The following ALCAM variants were observed in gnomAD, a reference collection of about 807,000 sequenced individuals.
The protein encoded by ALCAM is activated leukocyte cell adhesion molecule, also known as CD166 antigen.
ALCAM carries 30 observed loss-of-function variants against 70.9 expected under a neutral mutation model. The observed-to-expected ratio is 0.42, with a 90% confidence interval of 0.32 to 0.57. The LOEUF (loss-of-function observed/expected upper bound fraction) is 0.57. Ranked by LOEUF, ALCAM falls within the 20% of genes least tolerant of loss-of-function variation. The pLI, the probability that ALCAM is intolerant of heterozygous loss-of-function variation, is 0.11. For missense variants in ALCAM, 591 were observed against 695.1 expected, an observed-to-expected ratio of 0.85 and a Z score of 1.68; for synonymous variants, 249 against 242.5, an observed-to-expected ratio of 1.03 and a Z score of -0.25.
At position 105,524,296 on chromosome 3, in the gene ALCAM, C is replaced by A. The variant is rs1033977551; in HGVS notation, c.182C>A (p.Pro61His). The A allele has an allele frequency of 6.2e-7, 1 of 1,612,398 alleles. No homozygotes were observed. Among genetic ancestry groups the A allele is most frequent in the African/African-American group, 1.3e-5 (1 of 74,924 alleles). Residue 61 changes from proline (P) to histidine (H), a missense_variant, in exon 3 of 16, where the codon CCC (proline) becomes CAC (histidine). Physicochemically the swap from Pro to His is moderately conservative, Grantham distance 77. This residue lies in a region of ALCAM where 427 missense variants were observed against 450.4 expected (regional missense o/e 0.95). Transcript: ENST00000306107. The stretch of plus-strand genomic sequence containing the variant: ...TATTATTTTAATTTTTAGGAAAAGC[C>A]CGATGGCTCCCCAGTATTTATTGCC... The part of the protein sequence containing the change: ...LMFGKWKYEK[P>H]DGSPVFIAFR...
chr3:105,467,414 G>A lies in ALCAM; in HGVS notation c.74-52653G>A, dbSNP rs1215800587. 2.6e-5 allele frequency among the ~76,000 whole-genome samples: 4 copies of A among 151,200 alleles called. No homozygotes were observed. In the East Asian group the frequency reaches 7.8e-4, roughly 29 times the overall value. On this transcript the variant is annotated intron_variant, in intron 1 of 15. Coordinates refer to ENST00000306107, the MANE Select transcript of ALCAM (RefSeq NM_001627.4). ...TTTAACCTAGAAATGTCTCTGCGTG[G>A]ATTGCTGGTATTGAACATTATTAGC...
At chr3:105,389,209 A>C (rs550650238) in intron 1 of ALCAM, among the ~76,000 whole-genome samples, 1 of 151,438 alleles carries the variant, frequency 6.6e-6, no homozygotes, top group Non-Finnish European at 1.5e-5. Flanking sequence ...GTTATGTAGA[A>C]AATTATCCCA....
chr3:105,481,249 A>G (rs1235959565), intron 1 of ALCAM, among the ~76,000 whole-genome samples: 3 of 152,094 alleles, frequency 2.0e-5, no homozygotes, highest in Non-Finnish European at 4.4e-5. Context: ...ACACATACAA[A>G]TATTTTGTTT....
intron 3 of ALCAM, among the ~76,000 whole-genome samples, chr3:105,530,051 C>T (rs998066795): frequency 5.3e-5 from 8 of 151,712 alleles, no homozygotes; most frequent in African/African-American, 1.9e-4. Context: ...ATGTTTTGAC[C>T]TTTTTTTTCT....
At chr3:105,466,226 T>A (rs562121003) in intron 1 of ALCAM, among the ~76,000 whole-genome samples, 1 of 151,458 alleles carries the variant, frequency 6.6e-6, no homozygotes, top group East Asian at 1.9e-4. Flanking sequence ...ATTCCCCCAA[T>A]TTTCAGTGCT....
chr3:105,401,188 C>G (rs1936080381), intron 1 of ALCAM, among the ~76,000 whole-genome samples: 1 of 152,150 alleles, frequency 6.6e-6, no homozygotes, highest in Non-Finnish European at 1.5e-5. Flanking sequence ...AACACCCACA[C>G]CTTAGTAGCT....
chr3:105,445,179 T>C (rs1937264477), intron 1 of ALCAM, among the ~76,000 whole-genome samples: 2 of 152,144 alleles, frequency 1.3e-5, no homozygotes, highest in South Asian at 4.1e-4. Flanking sequence ...TGTTAGTTAA[T>C]ACATGAACAA....
chr3:105,477,253 C>T (rs553808548), intron 1 of ALCAM, among the ~76,000 whole-genome samples: 22 of 152,192 alleles, frequency 1.4e-4, no homozygotes, highest in Admixed American at 5.9e-4. Context: ...TAATGCTCTT[C>T]ATTTTTTTCA....
At chr3:105,496,334 GGACTAAC>G (rs72107823) in intron 1 of ALCAM, among the ~76,000 whole-genome samples, 61,128 of 151,532 alleles carry the variant, frequency 0.4, 12,885 homozygotes, top group Admixed American at 0.52. Flanking sequence ...CATTCAGAAA[GGACTAAC>G]AGTCATTTCC....
intron 1 of ALCAM, among the ~76,000 whole-genome samples, chr3:105,427,998 C>G (rs1460859774): frequency 1.3e-5 from 2 of 151,678 alleles, no homozygotes; most frequent in Non-Finnish European, 2.9e-5. Flanking sequence ...CCTACTCACA[C>G]AAAAATTTTG....
chr3:105,420,363 T>G (rs1936617110), intron 1 of ALCAM, among the ~76,000 whole-genome samples: 1 of 151,718 alleles, frequency 6.6e-6, no homozygotes, highest in East Asian at 1.9e-4. Flanking sequence ...ATGTTTTTCT[T>G]TTTAAAGAAA....
At chr3:105,416,789 T>C (rs1936517689) in intron 1 of ALCAM, among the ~76,000 whole-genome samples, 1 of 151,996 alleles carries the variant, frequency 6.6e-6, no homozygotes, top group Admixed American at 6.6e-5. Context: ...TAAATGTTAA[T>C]AAATTAGATA....
intron 1 of ALCAM, chr3:105,439,506 A>G (rs780318012): frequency 1.3e-5 from 2 of 152,220 alleles, no homozygotes; most frequent in Non-Finnish European, 2.9e-5. Flanking sequence ...CACAAATTAC[A>G]GTTACTAGGC....
chr3:105,420,020 A>G (rs1936605589), intron 1 of ALCAM, among the ~76,000 whole-genome samples: 1 of 151,752 alleles, frequency 6.6e-6, no homozygotes. Flanking sequence ...GACTTTTTAT[A>G]TATACAAGCA....
At chr3:105,477,364 T>C (rs1559804783) in intron 1 of ALCAM, among the ~76,000 whole-genome samples, 1 of 152,212 alleles carries the variant, frequency 6.6e-6, no homozygotes, top group East Asian at 1.9e-4. Flanking sequence ...TTATTTTGCT[T>C]TCATTCTGTA....
rs762343281 is a variant in ALCAM at position 105,547,228 on chromosome 3, C to T, written c.1184C>T (p.Ala395Val). The change falls in exon 10 of 16, where the codon GCT becomes GTT. Residue 395 changes from alanine to valine, a missense_variant. Physicochemically the swap from Ala to Val is moderately conservative, Grantham distance 64 (BLOSUM62 0). Around this residue, in one of 2 missense-constraint regions of ALCAM, gnomAD observed 164 missense variants for 244.7 expected, o/e 0.67. Transcript: ENST00000306107. ...QDAGNYVCET[A>V]LQEVEGLKKR... ...GCTGGAAACTATGTCTGCGAAACTG[C>T]TCTGCAGGAGGTTGAAGGACTAAAG... 4 of 1,608,440 alleles carry T rather than the reference C, an allele frequency of 2.5e-6. No individual in the cohort carries two copies. Among genetic ancestry groups the T allele is most frequent in the Non-Finnish European group, 3.4e-6 (4 of 1,177,064 alleles).
At chr3:105,506,455 G>A (rs75744883) in intron 1 of ALCAM, among the ~76,000 whole-genome samples, 1 of 152,200 alleles carries the variant, frequency 6.6e-6, no homozygotes, top group East Asian at 1.9e-4. Flanking sequence ...TTACTTCCTG[G>A]GGGAAGCATT....
At chr3:105,367,790 G>A (rs1202200065) in intron 1 of ALCAM, among the ~76,000 whole-genome samples, 2 of 152,164 alleles carry the variant, frequency 1.3e-5, no homozygotes, top group African/African-American at 2.4e-5. Flanking sequence ...GCTAGGCGGC[G>A]GACTCTTGCC....
chr3:105,467,078 A>T (rs1461541618), intron 1 of ALCAM, among the ~76,000 whole-genome samples: 1 of 151,340 alleles, frequency 6.6e-6, no homozygotes, highest in African/African-American at 2.4e-5. Context: ...ATGTAATTTA[A>T]TCTCTTTAAA....
Sources: gnomAD v4.1 joint callset for allele counts (sites outside exome capture counted in the v4.1 genomes callset) on GRCh38, gnomAD v4.1.1 for gene constraint, gnomAD v4.1.1 regional missense constraint, MANE v1.5 for transcripts, NCBI Gene and HGNC (gene_info 2026-07-23, HGNC 2026-07-21) for gene names.